Variants in SOX6 observed in about 807,000 individuals in gnomAD.
SOX6 encodes SRY-box transcription factor 6.
Under a neutral mutation model 97.8 loss-of-function variants are expected in SOX6, and 11 were observed. The ratio of observed to expected loss-of-function variants is 0.11; its 90% confidence interval spans 0.07 to 0.19. The LOEUF (loss-of-function observed/expected upper bound fraction) is 0.19, where lower values mean the gene tolerates loss of function less well. SOX6 is among the 10% of genes least tolerant of loss of function. The probability of loss-of-function intolerance (pLI) is 1.00; values close to 1 mark genes in which losing one functional copy is unlikely to be tolerated. For missense variants in SOX6, 810 were observed against 1,039.5 expected, an observed-to-expected ratio of 0.78 and a Z score of 3.04; for synonymous variants, 360 against 371.4, an observed-to-expected ratio of 0.97 and a Z score of 0.35.
chr11:16,057,620 T>A (rs1046350035), intron 9 of SOX6, among the ~76,000 whole-genome samples: 1 of 152,172 alleles, frequency 6.6e-6, no homozygotes, highest in African/African-American at 2.4e-5. Flanking sequence ...TCTCTTGTAC[T>A]GGTGTCCTTG....
intron 4 of SOX6, among the ~76,000 whole-genome samples, chr11:16,603,528 T>C (rs1389817741): frequency 3.3e-5 from 5 of 150,892 alleles, no homozygotes; most frequent in Non-Finnish European, 7.4e-5. Context: ...CCTTTGGGAG[T>C]GGGGGTGGGA....
At chr11:16,604,610 G>A (rs1438955349) in intron 4 of SOX6, among the ~76,000 whole-genome samples, 1 of 152,286 alleles carries the variant, frequency 6.6e-6, no homozygotes, top group East Asian at 1.9e-4. Flanking sequence ...CCAGTTTGCC[G>A]CAAGGACGGC....
At chr11:16,187,088 G>T in intron 4 of SOX6, 133 bp from the exon 5 acceptor site, 1 of 934,848 alleles carries the variant, frequency 1.1e-6, no homozygotes, top group East Asian at 2.5e-5. Context: ...AGGCCATTGA[G>T]GGTACAGGAA....
intron 4 of SOX6, among the ~76,000 whole-genome samples, chr11:16,604,450 T>C (rs988955830): frequency 2.6e-5 from 4 of 152,064 alleles, no homozygotes; most frequent in African/African-American, 9.7e-5. Context: ...AGAGGGGCCC[T>C]CTCTCATCTC....
At chr11:16,220,039 A>G (rs975030213) in intron 4 of SOX6, among the ~76,000 whole-genome samples, 3 of 152,122 alleles carry the variant, frequency 2.0e-5, no homozygotes, top group Admixed American at 6.5e-5. Context: ...AAGCAAATTA[A>G]TAATAGTAAA....
intron 9 of SOX6, among the ~76,000 whole-genome samples, chr11:16,085,333 G>T (rs1848555006): frequency 6.6e-6 from 1 of 151,946 alleles, no homozygotes; most frequent in Non-Finnish European, 1.5e-5. Flanking sequence ...AAAAAAAATT[G>T]CTTTTTTTAA....
intron 6 of SOX6, among the ~76,000 whole-genome samples, chr11:16,114,240 C>T (rs1590204941): frequency 6.6e-6 from 1 of 152,072 alleles, no homozygotes. Flanking sequence ...ATTTATTTAT[C>T]GAGGATTTAC....
chr11:16,150,386 A>T (rs1850428805), intron 6 of SOX6, among the ~76,000 whole-genome samples: 1 of 152,180 alleles, frequency 6.6e-6, no homozygotes, highest in African/African-American at 2.4e-5. Context: ...AGACTACTTC[A>T]CAGAAGCCAC....
At chr11:16,048,278 A>G (rs529200260) in intron 11 of SOX6, among the ~76,000 whole-genome samples, 2 of 152,308 alleles carry the variant, frequency 1.3e-5, no homozygotes, top group South Asian at 4.1e-4. Flanking sequence ...TATCTTCTAT[A>G]TGGATATCAC....
intron 2 of SOX6, among the ~76,000 whole-genome samples, chr11:16,319,689 G>A (rs11023913): frequency 0.39 from 59,571 of 151,810 alleles, 12,410 homozygotes; most frequent in East Asian, 0.48. Context: ...TTTTTATGGC[G>A]GCATAGTATT....
chr11:16,392,460 A>T (rs554645961), intron 1 of SOX6, among the ~76,000 whole-genome samples: 1 of 152,324 alleles, frequency 6.6e-6, no homozygotes, highest in South Asian at 2.1e-4. Flanking sequence ...AAAATAACAG[A>T]AAATCTCTAA....
At chr11:16,149,380 A>T (rs1850401187) in intron 6 of SOX6, among the ~76,000 whole-genome samples, 1 of 152,160 alleles carries the variant, frequency 6.6e-6, no homozygotes. Context: ...CAGATTTCCA[A>T]AACAGTAAGC....
chr11:16,066,924 A>C (rs536447822), intron 9 of SOX6, among the ~76,000 whole-genome samples: 2 of 152,274 alleles, frequency 1.3e-5, no homozygotes, highest in East Asian at 1.9e-4. Context: ...GAGTCAAAGA[A>C]GATCATTTTG....
At chr11:16,032,730 C>T (rs1855410686) in intron 12 of SOX6, among the ~76,000 whole-genome samples, 1 of 152,102 alleles carries the variant, frequency 6.6e-6, no homozygotes, top group Non-Finnish European at 1.5e-5. Context: ...CTGAATCCTG[C>T]CCCTCTCTAA....
chr11:16,015,061 A>G lies in SOX6; in HGVS notation c.1624-11T>C. Reference sequence around the variant, plus strand: ...AAAGCGCGTTCTTTCCTAGAGGAACAAATAATCAGAGGCTTATTCTAGTTT... The same window carrying G: ...AAAGCGCGTTCTTTCCTAGAGGAACGAATAATCAGAGGCTTATTCTAGTTT... On this transcript the variant is annotated splice_polypyrimidine_tract_variant and intron_variant, in intron 12 of 15. Coordinates refer to ENST00000683767, the MANE Select transcript of SOX6 (RefSeq NM_001367873.1). 6.2e-7 allele frequency: 1 copy of G among 1,609,536 alleles called. No homozygotes were observed. Among genetic ancestry groups the G allele is most frequent in the African/African-American group, 1.3e-5 (1 of 74,888 alleles).
At chr11:16,252,704 C>T (rs1853551320) in intron 3 of SOX6, among the ~76,000 whole-genome samples, 1 of 152,106 alleles carries the variant, frequency 6.6e-6, no homozygotes, top group South Asian at 2.1e-4. Context: ...GCCTAACCTG[C>T]TGTTTTATCA....
chr11:16,601,866 G>T (rs574410103), intron 4 of SOX6, among the ~76,000 whole-genome samples: 1 of 152,134 alleles, frequency 6.6e-6, no homozygotes, highest in South Asian at 2.1e-4. Flanking sequence ...TTAGAGCATT[G>T]TAAAAGAAAG....
chr11:16,344,615 A>T (rs1856727508), intron 1 of SOX6, among the ~76,000 whole-genome samples: 2 of 151,904 alleles, frequency 1.3e-5, no homozygotes, highest in African/African-American at 2.4e-5. Context: ...ATTTATTTTA[A>T]TGCTCAGTCA....
At chr11:16,695,134 A>G (rs762166967) in intron 3 of SOX6, among the ~76,000 whole-genome samples, 2 of 152,202 alleles carry the variant, frequency 1.3e-5, no homozygotes, top group Non-Finnish European at 2.9e-5. Flanking sequence ...CCAGTTCTCT[A>G]TATGTAATTC....
Sources: gnomAD v4.1 joint callset for allele counts (sites outside exome capture counted in the v4.1 genomes callset) on GRCh38, gnomAD v4.1.1 for gene constraint, MANE v1.5 for transcripts, NCBI Gene and HGNC (gene_info 2026-07-23, HGNC 2026-07-21) for gene names.